Variants in NTRK3 observed in about 807,000 individuals in gnomAD.
NTRK3 encodes NT-3 growth factor receptor.
Under a neutral mutation model 91.7 loss-of-function variants are expected in NTRK3, and 24 were observed. That is an observed-to-expected ratio of 0.26 (90% confidence interval 0.19 to 0.37). The LOEUF (loss-of-function observed/expected upper bound fraction) is 0.37. Ranked by LOEUF, NTRK3 falls within the 10% of genes least tolerant of loss-of-function variation. The probability of loss-of-function intolerance (pLI) is 1.00; values close to 1 mark genes in which losing one functional copy is unlikely to be tolerated. For synonymous variants in NTRK3, 483 were observed against 404.0 expected, an observed-to-expected ratio of 1.20 and a Z score of -2.34; for missense variants, 880 against 1,068.9, an observed-to-expected ratio of 0.82 and a Z score of 2.46.
At chr15:87,973,563 C>G (rs564298286) in intron 14 of NTRK3, among the ~76,000 whole-genome samples, 158 of 152,240 alleles carry the variant, frequency 1.0e-3, no homozygotes, top group Middle Eastern at 6.8e-3. Flanking sequence ...TTTCTAAAGG[C>G]AAAATGCAGA....
intron 13 of NTRK3, among the ~76,000 whole-genome samples, chr15:88,040,357 T>A (rs769963591): frequency 3.9e-5 from 6 of 152,234 alleles, no homozygotes; most frequent in Non-Finnish European, 5.9e-5. Flanking sequence ...CATGAGGACC[T>A]GTGGGTACAC....
At chr15:88,051,152 T>C (rs1392934990) in intron 13 of NTRK3, among the ~76,000 whole-genome samples, 2 of 152,156 alleles carry the variant, frequency 1.3e-5, no homozygotes, top group Non-Finnish European at 2.9e-5. Context: ...ATACACAATC[T>C]ACATTTCCAC....
At chr15:88,198,599 C>A (rs1329055895) in intron 3 of NTRK3, among the ~76,000 whole-genome samples, 3 of 152,224 alleles carry the variant, frequency 2.0e-5, no homozygotes, top group Non-Finnish European at 4.4e-5. Flanking sequence ...GCATTATCTG[C>A]CTGGCTTCCC....
At chr15:88,004,633 G>A (rs1447946789) in intron 14 of NTRK3, among the ~76,000 whole-genome samples, 1 of 152,200 alleles carries the variant, frequency 6.6e-6, no homozygotes, top group African/African-American at 2.4e-5. Flanking sequence ...AGAAGAATGT[G>A]TACCCTACTG....
intron 17 of NTRK3, among the ~76,000 whole-genome samples, chr15:87,917,402 C>T (rs951368514): frequency 5.3e-5 from 8 of 152,086 alleles, no homozygotes; most frequent in African/African-American, 1.9e-4. Flanking sequence ...TCTGCCTGGT[C>T]CCTCAAGGGT....
At chr15:88,200,579 A>C (rs528669330) in intron 3 of NTRK3, among the ~76,000 whole-genome samples, 1 of 152,310 alleles carries the variant, frequency 6.6e-6, no homozygotes, top group East Asian at 1.9e-4. Flanking sequence ...TGATGGTTTT[A>C]TAAGGGGCTC....
intron 13 of NTRK3, among the ~76,000 whole-genome samples, chr15:88,101,082 T>C (rs1310019311): frequency 3.9e-5 from 6 of 151,914 alleles, no homozygotes; most frequent in African/African-American, 9.7e-5. Flanking sequence ...AACAGGCAAC[T>C]TACAGAATGG....
At chr15:87,902,165 A>G (rs2066495361) in intron 17 of NTRK3, among the ~76,000 whole-genome samples, 1 of 152,216 alleles carries the variant, frequency 6.6e-6, no homozygotes, top group South Asian at 2.1e-4. Flanking sequence ...ACATCAGAAA[A>G]TATCTATGTT....
chr15:88,223,430 T>C (rs1421963336), intron 3 of NTRK3, among the ~76,000 whole-genome samples: 1 of 152,182 alleles, frequency 6.6e-6, no homozygotes, highest in Non-Finnish European at 1.5e-5. Context: ...AGGCGAAGAC[T>C]GCACCAGGGA....
At chr15:87,918,968 C>G (rs1457462045) in intron 17 of NTRK3, among the ~76,000 whole-genome samples, 1 of 151,978 alleles carries the variant, frequency 6.6e-6, no homozygotes, top group Non-Finnish European at 1.5e-5. Context: ...TCTTTCAGTC[C>G]CAGTCCAGGA....
chr15:88,039,358 A>G (rs2079389413), intron 13 of NTRK3, among the ~76,000 whole-genome samples: 1 of 152,218 alleles, frequency 6.6e-6, no homozygotes, highest in African/African-American at 2.4e-5. Context: ...CAGACTCTCA[A>G]TATCATATTA....
At chr15:87,963,468 C>T (rs964635987) in intron 14 of NTRK3, among the ~76,000 whole-genome samples, 30 of 152,254 alleles carry the variant, frequency 2.0e-4, no homozygotes, top group African/African-American at 6.7e-4. Flanking sequence ...CCCCACTGAA[C>T]GATGGTTCGA....
chr15:88,171,348 T>C lies in NTRK3; in HGVS notation c.395+12070A>G, dbSNP rs188988309. ...ACTGATGAGCTGGCAAGGGTGCATG[T>C]GTGTTGAGGCTGCCATAGAAGACAT... On this transcript the variant is annotated intron_variant, in intron 5 of 18. Coordinates refer to ENST00000394480, the Ensembl canonical transcript of NTRK3. Among the ~76,000 whole-genome samples the C allele has an allele frequency of 1.2e-3, 187 of 152,224 alleles. 1 individual carries two copies. The highest frequency in any genetic ancestry group is 2.4e-3 in the Admixed American group (36 of 15,290).
intron 5 of NTRK3, among the ~76,000 whole-genome samples, chr15:88,158,861 C>G (rs146268105): frequency 3.5e-4 from 54 of 152,194 alleles, no homozygotes; most frequent in African/African-American, 1.1e-3. Flanking sequence ...CCCAAGACAT[C>G]ACACTCATTT....
intron 17 of NTRK3, among the ~76,000 whole-genome samples, chr15:87,883,351 T>C (rs917953702): frequency 6.8e-6 from 1 of 148,080 alleles, no homozygotes; most frequent in Non-Finnish European, 1.5e-5. Flanking sequence ...AGCAACAATA[T>C]ATAAAAATTT....
intron 5 of NTRK3, among the ~76,000 whole-genome samples, chr15:88,165,609 G>A (rs2044858579): frequency 6.6e-6 from 1 of 152,194 alleles, no homozygotes; most frequent in Non-Finnish European, 1.5e-5. Context: ...CTCTGTGTTT[G>A]TTAGGAGCTA....
At chr15:88,147,449 C>T (rs2042986696) in intron 5 of NTRK3, 46 bp from the exon 6 acceptor site, 2 of 1,494,626 alleles carry the variant, frequency 1.3e-6, no homozygotes, top group Non-Finnish European at 1.9e-6. Context: ...AAGTCTGGCA[C>T]AAATAATGCT....
At chr15:87,983,134 T>C (rs2141390573) in intron 14 of NTRK3, among the ~76,000 whole-genome samples, 1 of 152,356 alleles carries the variant, frequency 6.6e-6, no homozygotes, top group East Asian at 1.9e-4. Flanking sequence ...TTCAAATGTA[T>C]TCATTCATCA....
At chr15:88,193,875 A>G (rs2151696039) in intron 3 of NTRK3, among the ~76,000 whole-genome samples, 1 of 152,130 alleles carries the variant, frequency 6.6e-6, no homozygotes, top group South Asian at 2.1e-4. Context: ...CCAGCTACCA[A>G]CTCATGTGTC....
Sources: gnomAD v4.1 joint callset for allele counts (sites outside exome capture counted in the v4.1 genomes callset) on GRCh38, gnomAD v4.1.1 for gene constraint, MANE v1.5 for transcripts, NCBI Gene and HGNC (gene_info 2026-07-23, HGNC 2026-07-21) for gene names.